The following ASXL3 variants were observed in gnomAD, a reference collection of about 807,000 sequenced individuals.
ASXL3 encodes the protein putative Polycomb group protein ASXL3.
Under a neutral mutation model 170.6 loss-of-function variants are expected in ASXL3, and 34 were observed. The observed-to-expected ratio is 0.20, with a 90% CI of 0.15 to 0.27. ASXL3 has a LOEUF of 0.27. Among genes scored for constraint, ASXL3 ranks in the 10% least tolerant of loss-of-function variants. The probability of loss-of-function intolerance (pLI) is 1.00; values close to 1 mark genes in which losing one functional copy is unlikely to be tolerated. For synonymous variants in ASXL3, 1,002 were observed against 989.1 expected, an observed-to-expected ratio of 1.01 and a Z score of -0.24; for missense variants, 2,592 against 2,695.3, an observed-to-expected ratio of 0.96 and a Z score of 0.85.
At position 33,743,545 on chromosome 18, in the gene ASXL3, A is replaced by G; in HGVS notation, c.3697A>G (p.Lys1233Glu). The stretch of plus-strand genomic sequence containing the variant: ...TAGCAGTGTGCCCATGCTTTTTAAT[A>G]AAAATTCTGTCCCTGTATCTGTTTG... ...ENSSVPMLFN[K>E]NSVPVSVCST... The change falls in exon 12 of 12, where the codon AAA becomes GAA. Residue 1233 changes from lysine to glutamate, a missense_variant. Transcript: ENST00000269197. 3 of 1,613,338 alleles carry G rather than the reference A, an allele frequency of 1.9e-6. No homozygotes were observed. Among genetic ancestry groups the G allele is most frequent in the Non-Finnish European group, 2.5e-6 (3 of 1,179,874 alleles).
At chr18:33,596,723 G>A (rs1344294265) in intron 1 of ASXL3, among the ~76,000 whole-genome samples, 2 of 152,152 alleles carry the variant, frequency 1.3e-5, no homozygotes, top group Non-Finnish European at 2.9e-5. Flanking sequence ...TATGATTACA[G>A]TATAAGGCAT....
At position 33,732,084 on chromosome 18, in the gene ASXL3, T is replaced by G. The variant is rs779228191; in HGVS notation, c.976+20T>G. 8 of 1,593,864 alleles carry G rather than the reference T, an allele frequency of 5.0e-6. No homozygotes were observed. The South Asian group carries it at 7.8e-5, about 16-fold the overall frequency. ...CAGAAGGTAAATTTGTATTTTCTAT[T>G]ATTATGTGACATATTGGAGTACACA... is the stretch of plus-strand genomic sequence containing the variant. On this transcript the variant is annotated intron_variant, in intron 9 of 11. Transcript: ENST00000269197.
rs2067861338 is a variant in ASXL3, at chr18:33,750,108, G to A, written c.*3513G>A. 6.6e-6 allele frequency: 1 copy of A among 152,306 alleles called. No individual in the cohort carries two copies. The highest frequency in any genetic ancestry group is 6.5e-5 in the Admixed American group (1 of 15,282). 9.4% of individuals were successfully genotyped at this position (152,306 alleles called of 1,614,324 possible). ...GGCCCAGCACAGCGGTAGCTGCCTA[G>A]TGGGAATGACCCCCTGAGCATGCAG... On this transcript the variant is annotated 3_prime_UTR_variant, in exon 12 of 12. Coordinates refer to ENST00000269197, the MANE Select transcript of ASXL3 (RefSeq NM_030632.3).
At position 33,624,774 on chromosome 18, in the gene ASXL3, G is replaced by A. The variant is rs1292056666; in HGVS notation, c.137+17098G>A. On this transcript the variant is annotated intron_variant, in intron 2 of 11. Transcript: ENST00000269197. Reference sequence around the variant, plus strand: ...AAAACCAATTTGCTGTCTCTTAGGAGGTGCATATGTATGTAGGAAATAATT... The same window carrying A: ...AAAACCAATTTGCTGTCTCTTAGGAAGTGCATATGTATGTAGGAAATAATT... Among the ~76,000 whole-genome samples, 9 of 152,034 alleles carry A rather than the reference G, an allele frequency of 5.9e-5. No individual in the cohort carries two copies. In the East Asian group the frequency reaches 1.7e-3, roughly 29 times the overall value.
At chr18:33,652,644 A>C (rs1204933056) in intron 4 of ASXL3, among the ~76,000 whole-genome samples, 1 of 141,996 alleles carries the variant, frequency 7.0e-6, no homozygotes, top group Non-Finnish European at 1.5e-5. Context: ...TTTAGACCTT[A>C]GATCCCAGGG....
Position 33,738,757 on chromosome 18 carries a change from G to C in ASXL3, c.1353G>C (p.Gln451His). The change falls in exon 11 of 12, where the codon CAG (glutamine) becomes CAC (histidine). Residue 451 changes from glutamine (Q) to histidine (H), a missense_variant. This residue lies in a region of ASXL3 where 2,246 missense variants were observed against 2,219.6 expected (regional missense o/e 1.01). Coordinates refer to ENST00000269197, the MANE Select transcript of ASXL3 (RefSeq NM_030632.3). ...DILIPEESVI[Q>H]EEIAEEVETS... ...TGATCCCTGAAGAATCTGTAATTCA[G>C]GAGGAAATTGCAGAAGAGGTAGAGA... The C allele has an allele frequency of 6.2e-7, 1 of 1,613,926 alleles. No homozygotes were observed. The highest frequency in any genetic ancestry group is 8.5e-7 in the Non-Finnish European group (1 of 1,179,864).
At chr18:33,732,887 T>A (rs1299820484) in intron 9 of ASXL3, among the ~76,000 whole-genome samples, 1 of 151,142 alleles carries the variant, frequency 6.6e-6, no homozygotes, top group Non-Finnish European at 1.5e-5. Flanking sequence ...AAATTACTGA[T>A]GGCAAATTCC....
intron 7 of ASXL3, among the ~76,000 whole-genome samples, chr18:33,677,464 T>C (rs2066447223): frequency 6.6e-6 from 1 of 152,158 alleles, no homozygotes; most frequent in South Asian, 2.1e-4. Flanking sequence ...AATTGTTAAA[T>C]ATTGCCACAA....
At chr18:33,698,366 C>G (rs922975372) in intron 8 of ASXL3, among the ~76,000 whole-genome samples, 1 of 152,078 alleles carries the variant, frequency 6.6e-6, no homozygotes, top group Non-Finnish European at 1.5e-5. Flanking sequence ...CTATAAATTA[C>G]CCAGTCTTGA....
At chr18:33,727,221 C>CTCATACCATGTACTGTTCTCAGCA (rs2067367287) in intron 8 of ASXL3, among the ~76,000 whole-genome samples, 1 of 152,038 alleles carries the variant, frequency 6.6e-6, no homozygotes, top group South Asian at 2.1e-4. Flanking sequence ...CTCCAGCACT[C>CTCATACCATGTACTGTTCTCAGCA]ACTGTTCTCA....
chr18:33,587,732 C>T (rs900942619), intron 1 of ASXL3, among the ~76,000 whole-genome samples: 1 of 151,620 alleles, frequency 6.6e-6, no homozygotes, highest in Non-Finnish European at 1.5e-5. Context: ...AAAAGCCACC[C>T]TTTTGAAGCA....
chr18:33,707,602 A>G (rs1231345726), intron 8 of ASXL3, among the ~76,000 whole-genome samples: 1 of 152,000 alleles, frequency 6.6e-6, no homozygotes, highest in Non-Finnish European at 1.5e-5. Context: ...CAGTCAATAC[A>G]CAGAGTTATA....
intron 8 of ASXL3, among the ~76,000 whole-genome samples, chr18:33,725,121 T>C (rs1259304264): frequency 1.3e-5 from 2 of 152,150 alleles, no homozygotes; most frequent in South Asian, 2.1e-4. Context: ...CACTGGGTGC[T>C]TGATCATGCA....
chr18:33,654,912 C>T (rs1236392563), intron 4 of ASXL3, among the ~76,000 whole-genome samples: 1 of 151,794 alleles, frequency 6.6e-6, no homozygotes, highest in Non-Finnish European at 1.5e-5. Flanking sequence ...TATGAATATC[C>T]AGAGATAATA....
chr18:33,669,537 T>C (rs1438130047), intron 5 of ASXL3, among the ~76,000 whole-genome samples: 1 of 152,248 alleles, frequency 6.6e-6, no homozygotes, highest in South Asian at 2.1e-4. Context: ...TATTTAATTT[T>C]CACTTCTATA....
intron 7 of ASXL3, among the ~76,000 whole-genome samples, chr18:33,681,276 G>T (rs2066510318): frequency 6.6e-6 from 1 of 151,964 alleles, no homozygotes; most frequent in Non-Finnish European, 1.5e-5. Context: ...TCTATTATTA[G>T]TCACTTTGCT....
intron 8 of ASXL3, among the ~76,000 whole-genome samples, chr18:33,721,179 T>G (rs960815830): frequency 6.6e-6 from 1 of 152,060 alleles, no homozygotes. Context: ...AGTCTTATTC[T>G]AAGGAATAGC....
chr18:33,596,386 T>TGA (rs1398531709), intron 1 of ASXL3, among the ~76,000 whole-genome samples: 1 of 152,202 alleles, frequency 6.6e-6, no homozygotes, highest in East Asian at 1.9e-4. Flanking sequence ...AAATATTTGT[T>TGA]AACTGAATGG....
At position 33,729,770 on chromosome 18, in the gene ASXL3, G is replaced by A. The variant is rs866901128; in HGVS notation, c.880-2198G>A. On this transcript the variant is annotated intron_variant, in intron 8 of 11. Transcript: ENST00000269197. ...ATTTCTGATTTTCTCACTCTTAGTC[G>A]GCACTTCTACTAGAAGTGGCCCAGA... 5.3e-5 allele frequency among the ~76,000 whole-genome samples: 8 copies of A among 151,658 alleles called. No individual in the cohort carries two copies. The Middle Eastern group carries it at 0.01, about 193-fold the overall frequency.
Sources: allele counts gnomAD v4.1 joint callset (sites outside exome capture counted in the v4.1 genomes callset), GRCh38; gene constraint gnomAD v4.1.1; regional missense constraint gnomAD v4.1.1; transcripts MANE v1.5; gene names NCBI Gene and HGNC (gene_info 2026-07-23, HGNC 2026-07-21).